MIA3: variants seen among roughly 807,000 people sequenced by gnomAD.
The protein encoded by MIA3 is MIA SH3 domain ER export factor 3.
In MIA3, 90 loss-of-function variants were observed where a neutral mutation model predicts 192.4. That is an observed-to-expected ratio of 0.47 (90% CI 0.39 to 0.56). The LOEUF (loss-of-function observed/expected upper bound fraction) is 0.56. MIA3 is among the 20% of genes least tolerant of loss of function. The probability of loss-of-function intolerance (pLI) is 0.00; values close to 1 mark genes in which losing one functional copy is unlikely to be tolerated. For synonymous variants in MIA3, 740 were observed against 792.8 expected (o/e 0.93, Z 1.12); for missense variants, 2,123 against 2,269.4 (o/e 0.94, Z 1.31).
intron 3 of MIA3, among the ~76,000 whole-genome samples, chr1:222,625,986 G>A (rs1662098043): frequency 6.6e-6 from 1 of 152,138 alleles, no homozygotes; most frequent in Non-Finnish European, 1.5e-5. Context: ...TGATCCATCT[G>A]CCTTGGCCTT....
At chr1:222,645,941 T>A in intron 7 of MIA3, 1 of 337,288 alleles carries the variant, frequency 3.0e-6, no homozygotes, top group Middle Eastern at 9.3e-4. Flanking sequence ...TAGGTGGGTC[T>A]GTATTTCAAC....
chr1:222,624,858 A>AGTT lies in MIA3; in HGVS notation c.354+7_354+9dup. 2 of 1,546,736 alleles carry AGTT rather than the reference A, an allele frequency of 1.3e-6. No individual in the cohort carries two copies. The highest frequency in any genetic ancestry group is 2.2e-5 in the South Asian group (2 of 88,918). On this transcript the variant is annotated splice_donor_region_variant and intron_variant, in intron 3 of 27. Transcript: ENST00000344922. ...AGAGCTACAAGTTCCAACAGATGTA[A>AGTT]GTTGTGGATTTCTGTCTTGTTCTCA...
chr1:222,666,605 T>C lies in MIA3; in HGVS notation c.*986T>C, dbSNP rs1054781398. The C allele has an allele frequency of 6.8e-6, 1 of 146,354 alleles. No homozygotes were observed. Among genetic ancestry groups the C allele is most frequent in the African/African-American group, 2.6e-5 (1 of 38,442 alleles). The allele number at this position is 146,354 out of a possible 1,614,324, so 9.1% of individuals were successfully genotyped here. ...ATATAATAAAAAGATTGGAAGAGTA[T>C]AATGCCATGAGAAAGAATGATTTAG... is the stretch of plus-strand genomic sequence containing the variant. On this transcript the variant is annotated 3_prime_UTR_variant, in exon 28 of 28. Transcript: ENST00000344922.
chr1:222,652,681 G>A (rs2124908875), intron 13 of MIA3, among the ~76,000 whole-genome samples: 1 of 152,350 alleles, frequency 6.6e-6, no homozygotes, highest in East Asian at 1.9e-4. Context: ...TGCTTCACTA[G>A]CCAAGGGAAG....
intron 8 of MIA3, 124 bp from the exon 9 acceptor site, chr1:222,650,168 A>G: frequency 1.4e-6 from 1 of 703,970 alleles, no homozygotes; most frequent in South Asian, 1.5e-5. Flanking sequence ...TAAAACCATA[A>G]TAGTTATGCT....
intron 19 of MIA3, chr1:222,659,221 C>T: frequency 1.9e-6 from 1 of 518,012 alleles, no homozygotes. Context: ...TATTTAGGAA[C>T]AGTTAAAGGA....
chr1:222,633,353 A>T (rs1662489425), intron 6 of MIA3, 104 bp downstream of exon 6: 4 of 956,316 alleles, frequency 4.2e-6, no homozygotes, highest in Non-Finnish European at 6.2e-6. Flanking sequence ...TATGAACCTG[A>T]CTCCTGATCC....
chr1:222,653,067 A>T lies in MIA3; in HGVS notation c.4146A>T (p.Lys1382Asn), dbSNP rs906204192. ...KLHAELSEQI[K>N]SFEKSQKDLE... ...ATGCTGAGCTCAGTGAGCAAATCAA[A>T]TCATTTGAGAAGTCTCAGAAAGATT... is the stretch of plus-strand genomic sequence containing the variant. Residue 1382 changes from lysine (K) to asparagine (N), a missense_variant, in exon 14 of 28, where the codon AAA (lysine) becomes AAT (asparagine). Physicochemically the swap from Lys to Asn is moderately conservative, Grantham distance 94. Transcript: ENST00000344922. The T allele has an allele frequency of 1.2e-6, 2 of 1,613,088 alleles. No individual in the cohort carries two copies. The highest frequency in any genetic ancestry group is 1.7e-6 in the Non-Finnish European group (2 of 1,179,158).
At chr1:222,625,236 A>G (rs1571861360) in intron 3 of MIA3, among the ~76,000 whole-genome samples, 1 of 151,886 alleles carries the variant, frequency 6.6e-6, no homozygotes, top group African/African-American at 2.4e-5. Flanking sequence ...CGATCTCCTG[A>G]CCTCATGATC....
At position 222,628,267 on chromosome 1, in the gene MIA3, A is replaced by G. The variant is rs769606492; in HGVS notation, c.1047A>G (p.Lys349=). 1.9e-6 allele frequency: 3 copies of G among 1,614,134 alleles called. No homozygotes were observed. Among genetic ancestry groups the G allele is most frequent in the Non-Finnish European group, 2.5e-6 (3 of 1,180,030 alleles). Residue 349 remains lysine (K), a synonymous_variant, in exon 4 of 28, where the codon AAA becomes AAG. Coordinates refer to ENST00000344922, the MANE Select transcript of MIA3 (RefSeq NM_198551.4). The part of the protein sequence containing the change: ...MKTPAKSGVE[K]YPTDKEQNSN... Reference sequence around the variant, plus strand: ...CTCCAGCAAAGTCTGGCGTTGAGAAATATCCAACAGATAAAGAGCAGAATT... The same window carrying G: ...CTCCAGCAAAGTCTGGCGTTGAGAAGTATCCAACAGATAAAGAGCAGAATT...
At chr1:222,639,357 G>A (rs1662758384) in intron 6 of MIA3, among the ~76,000 whole-genome samples, 1 of 152,084 alleles carries the variant, frequency 6.6e-6, no homozygotes, top group Admixed American at 6.6e-5. Context: ...AACTGAAGAG[G>A]AGAAAATACT....
chr1:222,631,125 C>CTTT (rs200848579), intron 4 of MIA3, among the ~76,000 whole-genome samples: 5 of 143,474 alleles, frequency 3.5e-5, no homozygotes, highest in Admixed American at 7.0e-5. Flanking sequence ...TTTTTCTTTT[C>CTTT]TTTTTTTTTT....
At chr1:222,655,199 G>A (rs1303709401) in intron 18 of MIA3, among the ~76,000 whole-genome samples, 1 of 152,168 alleles carries the variant, frequency 6.6e-6, no homozygotes, top group Non-Finnish European at 1.5e-5. Context: ...CTTCAAAAAA[G>A]GAAAATTTAC....
chr1:222,651,288 A>G (rs1389352448), intron 11 of MIA3, among the ~76,000 whole-genome samples: 1 of 151,630 alleles, frequency 6.6e-6, no homozygotes, highest in East Asian at 1.9e-4. Flanking sequence ...TTGCAAAGAT[A>G]GTAGAGAGGG....
intron 7 of MIA3, among the ~76,000 whole-genome samples, chr1:222,646,827 G>A (rs1170036651): frequency 6.6e-6 from 1 of 152,198 alleles, no homozygotes; most frequent in East Asian, 1.9e-4. Context: ...GATTCACAGT[G>A]GGAAAATTGT....
intron 18 of MIA3, among the ~76,000 whole-genome samples, chr1:222,657,531 G>A (rs541386399): frequency 2.0e-5 from 3 of 152,188 alleles, no homozygotes; most frequent in South Asian, 2.1e-4. Flanking sequence ...TGATGCCTTC[G>A]AGCACATTCT....
rs1356898353 is a variant in MIA3 at position 222,634,813 on chromosome 1, A to C, written c.3477+1564A>C. 3.3e-5 allele frequency among the ~76,000 whole-genome samples: 5 copies of C among 152,244 alleles called. No individual in the cohort carries two copies. In the East Asian group the frequency reaches 9.6e-4, roughly 29 times the overall value. On this transcript the variant is annotated intron_variant, in intron 6 of 27. Coordinates refer to ENST00000344922, the MANE Select transcript of MIA3 (RefSeq NM_198551.4). ...GTTAAAATCCATGGGTTTCAAGCCAAGATGATTTTATTTCAAATCCCAAAG... is the reference window on the plus strand; with the variant it reads ...GTTAAAATCCATGGGTTTCAAGCCACGATGATTTTATTTCAAATCCCAAAG...
In MIA3 at chr1:222,666,713, ATAT is replaced by A. The variant is rs1383722913; in HGVS notation, c.*1099_*1101del. On this transcript the variant is annotated 3_prime_UTR_variant, in exon 28 of 28. Transcript: ENST00000344922. Reference sequence around the variant, plus strand: ...TTTTAGGGGGAAATGGGGGCGACAGATATTATTCCAAAATTAATATTAATTAAT... The same window carrying A: ...TTTTAGGGGGAAATGGGGGCGACAGATATTCCAAAATTAATATTAATTAAT... The A allele has an allele frequency of 2.7e-5, 4 of 148,126 alleles. No homozygotes were observed. Among genetic ancestry groups the A allele is most frequent in the African/African-American group, 5.0e-5 (2 of 40,284 alleles). 9.2% of individuals were successfully genotyped at this position (148,126 alleles called of 1,614,324 possible).
chr1:222,641,203 C>T (rs1011168653), intron 6 of MIA3, among the ~76,000 whole-genome samples: 13 of 152,200 alleles, frequency 8.5e-5, no homozygotes, highest in Admixed American at 3.3e-4. Context: ...TCCAGCCATT[C>T]TTCTCCTAAA....
Sources: allele counts gnomAD v4.1 joint callset (sites outside exome capture counted in the v4.1 genomes callset), GRCh38; gene constraint gnomAD v4.1.1; transcripts MANE v1.5; gene names NCBI Gene and HGNC (gene_info 2026-07-23, HGNC 2026-07-21).